The following EPS15L1 variants were observed in gnomAD, a reference collection of about 807,000 sequenced individuals.
The protein encoded by EPS15L1 is epidermal growth factor receptor pathway substrate 15 like 1.
EPS15L1 carries 43 observed loss-of-function variants against 117.1 expected under a neutral mutation model. That is an observed-to-expected ratio of 0.37 (90% CI 0.29 to 0.47). The LOEUF (loss-of-function observed/expected upper bound fraction) is 0.47, where lower values mean the gene tolerates loss of function less well. Among genes scored for constraint, EPS15L1 ranks in the 20% least tolerant of loss-of-function variants. The pLI, the probability that EPS15L1 is intolerant of heterozygous loss-of-function variation, is 0.99. For synonymous variants in EPS15L1, 459 were observed against 470.5 expected, an observed-to-expected ratio of 0.98 and a Z score of 0.32; for missense variants, 981 against 1,164.0, an observed-to-expected ratio of 0.84 and a Z score of 2.29.
chr19:16,470,526 T>C (rs1311324807), intron 1 of EPS15L1, among the ~76,000 whole-genome samples: 1 of 116,902 alleles, frequency 8.6e-6, no homozygotes, highest in Non-Finnish European at 1.7e-5. Flanking sequence ...CCTGACTACA[T>C]ACTCTAAACT....
chr19:16,470,373 C>T (rs1466356226), intron 1 of EPS15L1, among the ~76,000 whole-genome samples: 1 of 150,530 alleles, frequency 6.6e-6, no homozygotes, highest in Non-Finnish European at 1.5e-5. Context: ...GGTGACAGAG[C>T]AATACTCCAT....
At chr19:16,393,297 C>T (rs886360762) in intron 18 of EPS15L1, among the ~76,000 whole-genome samples, 7 of 151,706 alleles carry the variant, frequency 4.6e-5, no homozygotes, top group African/African-American at 1.7e-4. Context: ...GTGCTCAATA[C>T]CACTGAATTG....
chr19:16,391,973 G>A (rs2092480776), intron 19 of EPS15L1, among the ~76,000 whole-genome samples: 1 of 152,152 alleles, frequency 6.6e-6, no homozygotes, highest in African/African-American at 2.4e-5. Flanking sequence ...AAGGGGCAGT[G>A]GGGGCAGATG....
intron 16 of EPS15L1, among the ~76,000 whole-genome samples, chr19:16,396,554 G>A (rs1428835546): frequency 1.3e-5 from 2 of 152,188 alleles, no homozygotes; most frequent in Middle Eastern, 3.4e-3. Flanking sequence ...ATGAGCTACC[G>A]CACCTGGCCT....
intron 1 of EPS15L1, among the ~76,000 whole-genome samples, chr19:16,454,087 G>C (rs1252497246): frequency 6.6e-6 from 1 of 152,208 alleles, no homozygotes; most frequent in African/African-American, 2.4e-5. Flanking sequence ...CTGGGAGACT[G>C]AGAAGTGATG....
intron 1 of EPS15L1, among the ~76,000 whole-genome samples, chr19:16,452,676 G>A (rs867837021): frequency 6.6e-6 from 1 of 151,896 alleles, no homozygotes; most frequent in Non-Finnish European, 1.5e-5. Context: ...ATATACGTAG[G>A]TGGGGGAAAA....
chr19:16,460,182 A>C (rs989383315), intron 1 of EPS15L1, among the ~76,000 whole-genome samples: 2 of 152,112 alleles, frequency 1.3e-5, no homozygotes, highest in African/African-American at 4.8e-5. Flanking sequence ...CCAGCTACTA[A>C]GGAGGCTGAG....
intron 17 of EPS15L1, 95 bp from the exon 18 acceptor site, chr19:16,394,096 T>A (rs1225483299): frequency 2.0e-6 from 2 of 1,013,844 alleles, no homozygotes; most frequent in Non-Finnish European, 3.2e-6. Flanking sequence ...AGCCTTTCAT[T>A]GCCTTCTACT....
At chr19:16,382,218 C>T (rs74463730) in intron 21 of EPS15L1, among the ~76,000 whole-genome samples, 1,782 of 152,276 alleles carry the variant, frequency 0.012, 34 homozygotes, top group African/African-American at 0.041. Flanking sequence ...GCACTGCCTC[C>T]GCAGTGAATC....
intron 16 of EPS15L1, among the ~76,000 whole-genome samples, chr19:16,400,115 T>C (rs951287469): frequency 3.3e-5 from 5 of 152,078 alleles, no homozygotes; most frequent in South Asian, 2.1e-4. Context: ...GGCGGGCAGA[T>C]TGCCTGAGGT....
chr19:16,359,890 A>G (rs994889941), intron 23 of EPS15L1, among the ~76,000 whole-genome samples: 104 of 149,174 alleles, frequency 7.0e-4, no homozygotes, highest in African/African-American at 1.7e-3. Flanking sequence ...AAACTTAGGG[A>G]AAAAAAAAAA....
At chr19:16,464,372 C>T (rs1042111160) in intron 1 of EPS15L1, among the ~76,000 whole-genome samples, 36 of 152,328 alleles carry the variant, frequency 2.4e-4, no homozygotes, top group Non-Finnish European at 4.8e-4. Flanking sequence ...CAGTCCAGCG[C>T]GAAGGACAGT....
chr19:16,388,001 G>GA (rs2092438338), intron 19 of EPS15L1, among the ~76,000 whole-genome samples: 2 of 152,128 alleles, frequency 1.3e-5, no homozygotes, highest in Admixed American at 6.5e-5. Context: ...AAATTGGGCA[G>GA]AAAAAACAAA....
rs1054194500 is a variant in EPS15L1 at position 16,381,114 on chromosome 19, C to A, written c.2248-3860G>T. Reference sequence around the variant, plus strand: ...ACAGATGACCCCACCAGATCCCTTCCCTGGGCTTCACGCCGCCCTCTGAAG... The same window carrying A: ...ACAGATGACCCCACCAGATCCCTTCACTGGGCTTCACGCCGCCCTCTGAAG... On this transcript the variant is annotated intron_variant, in intron 21 of 23. Transcript: ENST00000455140. This position sits in a 1 kb window ranked among gnomAD's most constrained non-coding sequence, Gnocchi z 4.2. 6.6e-6 allele frequency among the ~76,000 whole-genome samples: 1 copy of A among 152,260 alleles called. No individual in the cohort carries two copies. Among genetic ancestry groups the A allele is most frequent in the African/African-American group, 2.4e-5 (1 of 41,476 alleles).
At chr19:16,452,479 G>C (rs1332626097) in intron 1 of EPS15L1, among the ~76,000 whole-genome samples, 7 of 151,404 alleles carry the variant, frequency 4.6e-5, no homozygotes, top group Non-Finnish European at 1.0e-4. Context: ...CCAGAGCCAG[G>C]TGTAGTGGCA....
chr19:16,447,319 AAGG>A (rs2093093568), intron 1 of EPS15L1, among the ~76,000 whole-genome samples: 1 of 152,230 alleles, frequency 6.6e-6, no homozygotes, highest in African/African-American at 2.4e-5. Flanking sequence ...TTACCAAGAG[AAGG>A]AGAAGACTTG....
At chr19:16,445,987 A>G (rs1292872477) in intron 1 of EPS15L1, among the ~76,000 whole-genome samples, 5 of 152,226 alleles carry the variant, frequency 3.3e-5, no homozygotes, top group Admixed American at 6.5e-5. Context: ...TCGGTCTTTC[A>G]GTTGCTCTTC....
intron 7 of EPS15L1, among the ~76,000 whole-genome samples, chr19:16,431,153 T>C (rs113090367): frequency 5.3e-5 from 8 of 151,298 alleles, no homozygotes; most frequent in African/African-American, 1.9e-4. Context: ...ACAGGAGAAT[T>C]GCTCGAACCA....
At chr19:16,425,353 G>A in intron 8 of EPS15L1, 37 bp from the exon 9 acceptor site, 7 of 1,434,326 alleles carry the variant, frequency 4.9e-6, no homozygotes, top group South Asian at 2.4e-5. Flanking sequence ...GAAGGGGCAA[G>A]GCTGGGGCCG....
Sources: gnomAD v4.1 joint callset for allele counts (sites outside exome capture counted in the v4.1 genomes callset) on GRCh38, gnomAD v4.1.1 for gene constraint, Gnocchi (gnomAD v3.1) non-coding constraint, MANE v1.5 for transcripts, NCBI Gene and HGNC (gene_info 2026-07-23, HGNC 2026-07-21) for gene names.